The following RAF1 variants were observed in gnomAD, a reference collection of about 807,000 sequenced individuals.
RAF1 encodes the protein Raf-1 proto-oncogene, serine/threonine kinase.
Under a neutral mutation model 81.1 loss-of-function variants are expected in RAF1, and 27 were observed. The observed-to-expected ratio is 0.33, with a 90% CI of 0.25 to 0.46. The LOEUF (loss-of-function observed/expected upper bound fraction) is 0.46, where lower values mean the gene tolerates loss of function less well. Ranked by LOEUF, RAF1 falls within the 20% of genes least tolerant of loss-of-function variation. RAF1 has a pLI of 1.00. For synonymous variants in RAF1, 298 were observed against 294.0 expected, an observed-to-expected ratio of 1.01 and a Z score of -0.14; for missense variants, 598 against 826.0, an observed-to-expected ratio of 0.72 and a Z score of 3.38.
chr3:12,599,880 G>C, intron 10 of RAF1, 72 bp from the exon 10 acceptor site: 1 of 1,264,544 alleles, frequency 7.9e-7, no homozygotes, highest in Non-Finnish European at 1.2e-6. Flanking sequence ...GGCATCAAAG[G>C]ATCAACCCAT....
In RAF1 at chr3:12,583,971, AAAAGT is replaced by A; in HGVS notation, c.*538_*542del. The stretch of plus-strand genomic sequence containing the variant: ...GTGAAAGGAGGACGTGTCCCCTAAG[AAAAGT>A]TCCATAGTACCAAAGCAGGCTCCTT... On this transcript the variant is annotated 3_prime_UTR_variant, in exon 18 of 18. Transcript: ENST00000442415. 3 of 244,950 alleles carry A rather than the reference AAAAGT, an allele frequency of 1.2e-5. No individual in the cohort carries two copies. The highest frequency in any genetic ancestry group is 1.4e-4 in the South Asian group (1 of 7,028). The allele number at this position is 244,950 out of a possible 1,614,324, so 15.2% of individuals were successfully genotyped here. A position where few individuals can be genotyped will look rare whatever the true frequency, so the allele number is the denominator to read the frequency against.
In RAF1 at chr3:12,584,559, G is replaced by A. The variant is rs984115984; in HGVS notation, c.1962C>T (p.Ile654=). The A allele has an allele frequency of 6.2e-7, 1 of 1,614,058 alleles. No individual in the cohort carries two copies. Among genetic ancestry groups the A allele is most frequent in the Non-Finnish European group, 8.5e-7 (1 of 1,180,042 alleles). The stretch of plus-strand genomic sequence containing the variant: ...GGGACGTGGTCAGCGTGCAAGCATT[G>A]ATATCCTCAGTGTGGGCTGCCCGAT... The change falls in exon 18 of 18, where the codon ATC becomes ATT. Residue 654 remains isoleucine (I), a synonymous_variant. Coordinates refer to ENST00000442415, the MANE Select transcript of RAF1 (RefSeq NM_001354689.3).
At chr3:12,624,890 AAAAAAAAAAAAAC>A (rs1165024243) in intron 1 of RAF1, among the ~76,000 whole-genome samples, 8 of 52,964 alleles carry the variant, frequency 1.5e-4, no homozygotes, top group Non-Finnish European at 3.6e-4. Context: ...CAACTCAAAA[AAAAAAAAAAAAAC>A]AAAAACAAAA....
intron 14 of RAF1, 55 bp downstream of exon 13, chr3:12,587,536 T>C: frequency 6.7e-7 from 1 of 1,501,718 alleles, no homozygotes; most frequent in Non-Finnish European, 9.3e-7. Context: ...GCCTCCCTTC[T>C]GTTTCCCTAA....
chr3:12,646,143 AATC>A (rs2060341124), intron 1 of RAF1, among the ~76,000 whole-genome samples: 1 of 152,090 alleles, frequency 6.6e-6, no homozygotes, highest in African/African-American at 2.4e-5. Context: ...TCAAAAATCT[AATC>A]TTTGTTTTTT....
intron 2 of RAF1, among the ~76,000 whole-genome samples, chr3:12,617,258 G>A (rs930790479): frequency 3.9e-5 from 6 of 152,042 alleles, no homozygotes; most frequent in African/African-American, 9.7e-5. Context: ...GATTACAAAC[G>A]TGCAACACCA....
chr3:12,647,853 C>G (rs956603661), intron 1 of RAF1, among the ~76,000 whole-genome samples: 1 of 152,158 alleles, frequency 6.6e-6, no homozygotes, highest in Non-Finnish European at 1.5e-5. Context: ...AATAAACACA[C>G]ATGAAGAAAT....
At chr3:12,593,797 T>TTTC (rs1228868604) in intron 11 of RAF1, among the ~76,000 whole-genome samples, 1 of 148,260 alleles carries the variant, frequency 6.7e-6, no homozygotes, top group Non-Finnish European at 1.5e-5. Flanking sequence ...TTTTTTTTTT[T>TTTC]TTTTTTTTCT....
intron 2 of RAF1, among the ~76,000 whole-genome samples, chr3:12,614,218 AAAAT>A: frequency 6.6e-6 from 1 of 152,366 alleles, no homozygotes; most frequent in South Asian, 2.1e-4. Context: ...TACCTATTTA[AAAAT>A]AAATAAAATT....
intron 11 of RAF1, among the ~76,000 whole-genome samples, chr3:12,598,349 T>C (rs1479198082): frequency 6.6e-6 from 1 of 152,190 alleles, no homozygotes; most frequent in Non-Finnish European, 1.5e-5. Flanking sequence ...ATTCCACATG[T>C]ACTTTACAAA....
At chr3:12,641,292 G>C (rs911173804) in intron 1 of RAF1, among the ~76,000 whole-genome samples, 1 of 151,464 alleles carries the variant, frequency 6.6e-6, no homozygotes, top group African/African-American at 2.4e-5. Context: ...AACTGGTGCA[G>C]CACACCAACA....
intron 1 of RAF1, among the ~76,000 whole-genome samples, chr3:12,643,917 C>A (rs1297307994): frequency 6.6e-6 from 1 of 152,132 alleles, no homozygotes; most frequent in African/African-American, 2.4e-5. Flanking sequence ...GTCATTTCAG[C>A]CTTCTCACCC....
chr3:12,610,548 T>C (rs1013159118), intron 3 of RAF1, among the ~76,000 whole-genome samples: 9 of 152,160 alleles, frequency 5.9e-5, no homozygotes, highest in African/African-American at 1.2e-4. Flanking sequence ...AGGAACACTA[T>C]GGATTGGCTT....
chr3:12,655,971 C>CA (rs35311552), intron 1 of RAF1, among the ~76,000 whole-genome samples: 1 of 151,258 alleles, frequency 6.6e-6, no homozygotes, highest in Non-Finnish European at 1.5e-5. Context: ...TTTGAGGTAA[C>CA]AAAAAGGTTC....
At chr3:12,601,817 AAAG>A (rs2058871491) in intron 8 of RAF1, among the ~76,000 whole-genome samples, 2 of 152,284 alleles carry the variant, frequency 1.3e-5, no homozygotes, top group South Asian at 4.1e-4. Context: ...CTGACTCTGG[AAAG>A]AAGAATGAAG....
intron 2 of RAF1, among the ~76,000 whole-genome samples, chr3:12,612,794 C>T (rs146375472): frequency 3.9e-5 from 6 of 151,984 alleles, no homozygotes; most frequent in Non-Finnish European, 5.9e-5. Context: ...TTCCTTTATA[C>T]GTCTCTAATT....
chr3:12,637,452 A>G (rs116087003), intron 1 of RAF1, among the ~76,000 whole-genome samples: 2,890 of 151,374 alleles, frequency 0.019, 89 homozygotes, highest in African/African-American at 0.066. Flanking sequence ...TTCAGTAGAG[A>G]CAGGGTTTCG....
intron 1 of RAF1, among the ~76,000 whole-genome samples, chr3:12,660,523 A>C (rs150192837): frequency 0.016 from 2,505 of 152,196 alleles, 221 homozygotes; most frequent in Admixed American, 0.13. Flanking sequence ...CATGTTGCCC[A>C]GGCTGGTCTC....
intron 1 of RAF1, among the ~76,000 whole-genome samples, chr3:12,641,471 CA>C (rs541490913): frequency 1.8e-4 from 26 of 143,284 alleles, no homozygotes; most frequent in South Asian, 8.9e-4. Flanking sequence ...ATGTCCCCCC[CA>C]AAAAAAAATG....
Sources: gnomAD v4.1 joint callset for allele counts (sites outside exome capture counted in the v4.1 genomes callset) on GRCh38, gnomAD v4.1.1 for gene constraint, MANE v1.5 for transcripts, NCBI Gene and HGNC (gene_info 2026-07-23, HGNC 2026-07-21) for gene names.